The following SIDT1 variants were observed in gnomAD, a reference collection of about 807,000 sequenced individuals.
SIDT1 encodes SID1 transmembrane family, member 1.
In SIDT1, 101 loss-of-function variants were observed where a neutral mutation model predicts 107.5. The ratio of observed to expected loss-of-function variants is 0.94; its 90% CI spans 0.80 to 1.11. The LOEUF is 1.11. Ranked by LOEUF, SIDT1 falls within the 50% of genes least tolerant of loss-of-function variation. The pLI, the probability that SIDT1 is intolerant of heterozygous loss-of-function variation, is 0.00. For synonymous variants in SIDT1, 395 were observed against 398.2 expected, an observed-to-expected ratio of 0.99 and a Z score of 0.10; for missense variants, 1,076 against 1,058.2, an observed-to-expected ratio of 1.02 and a Z score of -0.23.
intron 3 of SIDT1, among the ~76,000 whole-genome samples, chr3:113,568,593 CAAAA>C (rs769569991): frequency 1.1e-5 from 1 of 90,608 alleles, no homozygotes; most frequent in Non-Finnish European, 2.4e-5. Flanking sequence ...GACTCTGTCT[CAAAA>C]AAAAAAAAGA....
chr3:113,550,245 CCAT>C (rs1429113505), intron 1 of SIDT1, among the ~76,000 whole-genome samples: 1 of 152,134 alleles, frequency 6.6e-6, no homozygotes. Context: ...CATGGTCAGC[CCAT>C]CAAGATTCTC....
At chr3:113,616,069 C>T in intron 19 of SIDT1, 31 bp from the exon 20 acceptor site, 1 of 1,525,040 alleles carries the variant, frequency 6.6e-7, no homozygotes. Flanking sequence ...GTTGACTAAG[C>T]CTTCTCACCA....
intron 1 of SIDT1, among the ~76,000 whole-genome samples, chr3:113,537,252 A>G (rs1278655209): frequency 3.3e-5 from 5 of 152,198 alleles, no homozygotes. Flanking sequence ...TTAATGACAT[A>G]TATTATACTT....
chr3:113,607,436 C>T (rs112757366), intron 15 of SIDT1, among the ~76,000 whole-genome samples: 2,241 of 152,298 alleles, frequency 0.015, 56 homozygotes, highest in African/African-American at 0.05. Flanking sequence ...TAAACAACCT[C>T]GTGAGATAGA....
chr3:113,574,745 C>G (rs1942766573), intron 3 of SIDT1, among the ~76,000 whole-genome samples: 1 of 152,012 alleles, frequency 6.6e-6, no homozygotes, highest in Non-Finnish European at 1.5e-5. Context: ...TTGAAATAGC[C>G]AGCACAAGGA....
Position 113,608,480 on chromosome 3 carries a change from A to G in SIDT1, c.1664A>G (p.Glu555Gly), listed in dbSNP as rs146181459. ...GCTATGGGCATTGCATTGATGATGG[A>G]AGGGGTGCTCAGTGCTTGCTACCAT... Reference protein sequence around the residue: ...FYAMGIALMMEGVLSACYHVC... With the variant: ...FYAMGIALMMGGVLSACYHVC... Residue 555 changes from glutamate to glycine, a missense_variant, in exon 17 of 25, where the codon GAA (glutamate) becomes GGA (glycine). Physicochemically the swap from Glu to Gly is moderately conservative, Grantham distance 98. Coordinates refer to ENST00000264852, the MANE Select transcript of SIDT1 (RefSeq NM_017699.3). 1.8e-5 allele frequency: 29 copies of G among 1,613,966 alleles called. No individual in the cohort carries two copies. The Admixed American group carries it at 3.0e-4, about 17-fold the overall frequency.
rs1045144695 is a variant in SIDT1, at chr3:113,532,644, C to G, written c.-378C>G. 5.0e-6 allele frequency: 1 copy of G among 199,442 alleles called. No individual in the cohort carries two copies. Among genetic ancestry groups the G allele is most frequent in the African/African-American group, 2.3e-5 (1 of 43,178 alleles). 12.4% of individuals were successfully genotyped at this position (199,442 alleles called of 1,614,324 possible). On this transcript the variant is annotated 5_prime_UTR_variant, in exon 1 of 25. Transcript: ENST00000264852. The stretch of plus-strand genomic sequence containing the variant: ...GTATTTCTTTTTAATGACTCCAATG[C>G]CTTTTTATTATTGCTGTTATTGAGG...
chr3:113,631,872 G>T (rs1258813651), downstream of SIDT1, among the ~76,000 whole-genome samples: 1 of 152,140 alleles, frequency 6.6e-6, no homozygotes, highest in African/African-American at 2.4e-5. Flanking sequence ...AGTACCCTTT[G>T]CTCCCCCAAT....
intron 4 of SIDT1, among the ~76,000 whole-genome samples, chr3:113,578,075 G>A (rs1377577696): frequency 1.3e-5 from 2 of 152,176 alleles, no homozygotes; most frequent in Admixed American, 1.3e-4. Context: ...AGGGCCAAAG[G>A]CCCTTAATAT....
intron 18 of SIDT1, among the ~76,000 whole-genome samples, 180 bp downstream of exon 18, chr3:113,611,324 A>G (rs1462036732): frequency 6.6e-6 from 1 of 152,126 alleles, no homozygotes; most frequent in East Asian, 1.9e-4. Context: ...CTCATGGCAC[A>G]CTTTTACTTA....
chr3:113,538,058 C>T (rs1016103153), intron 1 of SIDT1, among the ~76,000 whole-genome samples: 6 of 152,206 alleles, frequency 3.9e-5, no homozygotes, highest in Non-Finnish European at 8.8e-5. Context: ...GCTGGAATTA[C>T]AGGCATGAGC....
At chr3:113,603,196 G>A (rs749289986) in intron 12 of SIDT1, 46 bp downstream of exon 12, 1 of 1,565,738 alleles carries the variant, frequency 6.4e-7, no homozygotes, top group Non-Finnish European at 8.7e-7. Flanking sequence ...CAGAAAGTTT[G>A]GCAGTAGAAT....
chr3:113,538,140 A>G (rs1431012403), intron 1 of SIDT1, among the ~76,000 whole-genome samples: 1 of 152,104 alleles, frequency 6.6e-6, no homozygotes, highest in Non-Finnish European at 1.5e-5. Context: ...TGACCCAATT[A>G]CTTTCCAAAG....
At chr3:113,623,345 C>A in intron 21 of SIDT1, 82 bp from the exon 22 acceptor site, 1 of 849,560 alleles carries the variant, frequency 1.2e-6, no homozygotes. Flanking sequence ...CCCCTTCCCC[C>A]TCAAGGGACT....
intron 1 of SIDT1, among the ~76,000 whole-genome samples, chr3:113,545,462 C>G (rs966273636): frequency 6.6e-6 from 1 of 152,160 alleles, no homozygotes; most frequent in Non-Finnish European, 1.5e-5. Context: ...ACCTACCATT[C>G]TAAGTATTTT....
In SIDT1 at chr3:113,611,781, G is replaced by A. The variant is rs185510608; in HGVS notation, c.1858-305G>A. Among the ~76,000 whole-genome samples, 58 of 152,280 alleles carry A rather than the reference G, an allele frequency of 3.8e-4. No individual in the cohort carries two copies. In the East Asian group the frequency reaches 0.011, roughly 28 times the overall value. On this transcript the variant is annotated intron_variant, in intron 18 of 24. Transcript: ENST00000264852. ...AGAAACCACCTTCTAAATACGCATG[G>A]GAAACACGTGTTGCCTGTTTTGGTT... is the stretch of plus-strand genomic sequence containing the variant.
intron 21 of SIDT1, among the ~76,000 whole-genome samples, chr3:113,620,367 A>AT (rs1946386245): frequency 6.6e-6 from 1 of 152,116 alleles, no homozygotes; most frequent in South Asian, 2.1e-4. Flanking sequence ...AGCCACCATT[A>AT]TTTTATGCAA....
chr3:113,565,263 G>T (rs1328144119), intron 1 of SIDT1, among the ~76,000 whole-genome samples: 1 of 152,156 alleles, frequency 6.6e-6, no homozygotes, highest in Non-Finnish European at 1.5e-5. Context: ...CAGGCGCAGT[G>T]GCTCACACCT....
chr3:113,606,983 C>T lies in SIDT1; in HGVS notation c.1405-58C>T, dbSNP rs1945379604. 5 of 1,081,020 alleles carry T rather than the reference C, an allele frequency of 4.6e-6. No homozygotes were observed. In the Admixed American group the frequency reaches 6.8e-5, roughly 15 times the overall value. The allele number at this position is 1,081,020 out of a possible 1,614,324, so 67.0% of individuals were successfully genotyped here. The stretch of plus-strand genomic sequence containing the variant: ...GCCCTGTCTGCTCTTTGTGTTCCTG[C>T]TGGGGCTCAGAGGACGGAGGAAAAC... On this transcript the variant is annotated intron_variant, in intron 14 of 24. Coordinates refer to ENST00000264852, the MANE Select transcript of SIDT1 (RefSeq NM_017699.3).
Sources: allele counts gnomAD v4.1 joint callset (sites outside exome capture counted in the v4.1 genomes callset), GRCh38; gene constraint gnomAD v4.1.1; transcripts MANE v1.5; gene names NCBI Gene and HGNC (gene_info 2026-07-23, HGNC 2026-07-21).